PTPRD: variants seen among roughly 807,000 people sequenced by gnomAD.
PTPRD encodes receptor-type tyrosine-protein phosphatase delta.
Under a neutral mutation model 214.5 loss-of-function variants are expected in PTPRD, and 34 were observed. The ratio of observed to expected loss-of-function variants is 0.16; its 90% CI spans 0.12 to 0.21. The LOEUF (loss-of-function observed/expected upper bound fraction) is 0.21. Ranked by LOEUF, PTPRD falls within the 10% of genes least tolerant of loss-of-function variation. The pLI is 1.00. For synonymous variants in PTPRD, 1,128 were observed against 845.7 expected, an observed-to-expected ratio of 1.33 and a Z score of -5.79; for missense variants, 2,545 against 2,398.7, an observed-to-expected ratio of 1.06 and a Z score of -1.27.
chr9:9,385,987 G>A (rs1177499053), intron 9 of PTPRD, among the ~76,000 whole-genome samples: 1 of 152,054 alleles, frequency 6.6e-6, no homozygotes, highest in Non-Finnish European at 1.5e-5. Flanking sequence ...TTCTGGAATA[G>A]CTGTGTTGGG....
chr9:10,031,267 T>C (rs954528502), intron 4 of PTPRD, among the ~76,000 whole-genome samples: 1 of 152,032 alleles, frequency 6.6e-6, no homozygotes, highest in Non-Finnish European at 1.5e-5. Context: ...TTAATACTGT[T>C]AACTCGATTG....
intron 3 of PTPRD, among the ~76,000 whole-genome samples, chr9:10,104,621 T>C (rs1386503901): frequency 6.6e-6 from 1 of 151,906 alleles, no homozygotes; most frequent in Non-Finnish European, 1.5e-5. Context: ...AATATTTTCT[T>C]TGATTGCTCT....
intron 11 of PTPRD, among the ~76,000 whole-genome samples, chr9:8,940,114 G>C (rs2099022137): frequency 6.6e-6 from 1 of 150,752 alleles, no homozygotes; most frequent in Admixed American, 6.6e-5. Flanking sequence ...AAGGTTTTCA[G>C]ACTGTAGAAT....
intron 3 of PTPRD, among the ~76,000 whole-genome samples, chr9:10,092,075 C>A (rs149684970): frequency 2.0e-4 from 31 of 151,342 alleles, no homozygotes; most frequent in Non-Finnish European, 4.0e-4. Context: ...AGGAAGAAAC[C>A]ATATAATGTA....
intron 21 of PTPRD, among the ~76,000 whole-genome samples, chr9:8,512,286 A>G (rs896488505): frequency 1.6e-4 from 24 of 152,122 alleles, no homozygotes; most frequent in South Asian, 4.1e-4. Flanking sequence ...CATTGACAAA[A>G]TAAGTACTTA....
At chr9:10,182,193 G>C (rs1300924644) in intron 3 of PTPRD, among the ~76,000 whole-genome samples, 2 of 143,782 alleles carry the variant, frequency 1.4e-5, no homozygotes, top group Admixed American at 7.1e-5. Flanking sequence ...TAGGGAGGCA[G>C]AGGTTGCAGT....
At chr9:8,781,421 G>T (rs2095691418) in intron 11 of PTPRD, among the ~76,000 whole-genome samples, 1 of 152,174 alleles carries the variant, frequency 6.6e-6, no homozygotes. Context: ...AGGGAAAGAA[G>T]AAAGACACAG....
At position 9,458,419 on chromosome 9, in the gene PTPRD, G is replaced by C. The variant is rs185880801; in HGVS notation, c.-236-60937C>G. On this transcript the variant is annotated intron_variant, in intron 8 of 45. Transcript: ENST00000381196. ...TTTTAACAAAAAAAAATTGTAAATG[G>C]TTTTGATAGGTTGATTTAAGATTTT... Among the ~76,000 whole-genome samples, 277 of 151,984 alleles carry C rather than the reference G, an allele frequency of 1.8e-3. 1 individual carries two copies. The highest frequency in any genetic ancestry group is 5.8e-3 in the African/African-American group (242 of 41,464).
intron 5 of PTPRD, among the ~76,000 whole-genome samples, chr9:9,768,526 C>G (rs1461267409): frequency 6.6e-6 from 1 of 152,040 alleles, no homozygotes; most frequent in East Asian, 1.9e-4. Flanking sequence ...GGATGATAAA[C>G]TTTATTCATG....
intron 40 of PTPRD, 41 bp from the exon 41 acceptor site, chr9:8,341,309 G>A (rs186483454): frequency 1.5e-5 from 23 of 1,533,948 alleles, no homozygotes; most frequent in Non-Finnish European, 1.9e-5. Context: ...ACCCAACAAA[G>A]ATCATTTTCA....
intron 14 of PTPRD, among the ~76,000 whole-genome samples, chr9:8,555,304 G>A (rs1389010816): frequency 6.6e-6 from 1 of 152,192 alleles, no homozygotes; most frequent in East Asian, 1.9e-4. Context: ...CTACTCAGGA[G>A]ACTGAGGTGG....
chr9:9,645,457 GTA>G (rs150506021), intron 7 of PTPRD, among the ~76,000 whole-genome samples: 39,209 of 134,196 alleles, frequency 0.29, 6,029 homozygotes, highest in Non-Finnish European at 0.37. Context: ...CTACATATAT[GTA>G]TATATATATA....
chr9:8,395,956 C>A (rs903630587), intron 36 of PTPRD, among the ~76,000 whole-genome samples: 1 of 152,006 alleles, frequency 6.6e-6, no homozygotes, highest in Non-Finnish European at 1.5e-5. Flanking sequence ...ATACAGTAGA[C>A]CTTAGGCCAC....
At chr9:8,983,947 C>T (rs183994685) in intron 11 of PTPRD, among the ~76,000 whole-genome samples, 433 of 152,150 alleles carry the variant, frequency 2.8e-3, no homozygotes, top group Admixed American at 3.9e-3. Context: ...GAGTCATACA[C>T]TCAGATCAAA....
At chr9:8,834,996 C>T (rs1344802354) in intron 11 of PTPRD, among the ~76,000 whole-genome samples, 2 of 152,144 alleles carry the variant, frequency 1.3e-5, no homozygotes, top group Non-Finnish European at 2.9e-5. Context: ...CATGACTGAA[C>T]TGAGGAATCT....
chr9:8,345,740 C>CAAAG lies in PTPRD; in HGVS notation c.4662-3766_4662-3763dup, dbSNP rs545994701. Among the ~76,000 whole-genome samples, 151 of 152,176 alleles carry CAAAG rather than the reference C, an allele frequency of 9.9e-4. 1 individual carries two copies. Among genetic ancestry groups the CAAAG allele is most frequent in the Non-Finnish European group, 1.6e-3 (107 of 67,990 alleles). ...TTCCTACCACGTTTGAAATCGAAATCAAAGATGAACTCTAAATGTCATCTT... is the reference window on the plus strand; with the variant it reads ...TTCCTACCACGTTTGAAATCGAAATCAAAGAAAGATGAACTCTAAATGTCATCTT... On this transcript the variant is annotated intron_variant, in intron 39 of 45. Coordinates refer to ENST00000381196, the MANE Select transcript of PTPRD (RefSeq NM_002839.4).
intron 3 of PTPRD, among the ~76,000 whole-genome samples, chr9:10,208,291 G>A (rs1458553414): frequency 1.3e-5 from 2 of 152,206 alleles, no homozygotes; most frequent in African/African-American, 4.8e-5. Flanking sequence ...GAGGAGGGCG[G>A]ATCACGAGGT....
At chr9:8,757,651 TATACATATATATATAC>T (rs1434603257) in intron 11 of PTPRD, among the ~76,000 whole-genome samples, 2 of 140,286 alleles carry the variant, frequency 1.4e-5, no homozygotes, top group African/African-American at 5.8e-5. Context: ...TACATACATA[TATACATATATATATAC>T]ATACATATAT....
rs542996808 is a variant in PTPRD at position 9,412,980 on chromosome 9, C to T, written c.-236-15498G>A. Among the ~76,000 whole-genome samples the T allele has an allele frequency of 2.6e-5, 4 of 152,084 alleles. No homozygotes were observed. In the South Asian group the frequency reaches 6.2e-4, roughly 24 times the overall value. On this transcript the variant is annotated intron_variant, in intron 8 of 45. Coordinates refer to ENST00000381196, the MANE Select transcript of PTPRD (RefSeq NM_002839.4). ...TTGGCAGTGGAACTTAGCAGTCCAC[C>T]TCATATTATACCACAATGCATCAGA... is the stretch of plus-strand genomic sequence containing the variant.
Sources: gnomAD v4.1 joint callset for allele counts (sites outside exome capture counted in the v4.1 genomes callset) on GRCh38, gnomAD v4.1.1 for gene constraint, MANE v1.5 for transcripts, NCBI Gene and HGNC (gene_info 2026-07-23, HGNC 2026-07-21) for gene names.